FRMD3: variants seen among roughly 807,000 people sequenced by gnomAD.
FRMD3 encodes FERM domain-containing protein 3.
Under a neutral mutation model 70.2 loss-of-function variants are expected in FRMD3, and 33 were observed. That is an observed-to-expected ratio of 0.47 (90% CI 0.36 to 0.63). The LOEUF (loss-of-function observed/expected upper bound fraction) is 0.63. FRMD3 is among the 20% of genes least tolerant of loss of function. FRMD3 has a pLI of 0.00. For missense variants in FRMD3, 632 were observed against 711.4 expected (o/e 0.89, Z 1.27); for synonymous variants, 279 against 255.9 (o/e 1.09, Z -0.86).
At chr9:83,574,485 G>A in the FRMD3 span, among the ~76,000 whole-genome samples, 1 of 152,124 alleles carries the variant, frequency 6.6e-6, no homozygotes, top group African/African-American at 2.4e-5. Context: ...AGTACTCCAT[G>A]ACACAAATCT....
At chr9:83,558,443 C>T in the FRMD3 span, among the ~76,000 whole-genome samples, 1 of 152,140 alleles carries the variant, frequency 6.6e-6, no homozygotes, top group Non-Finnish European at 1.5e-5. Context: ...AGTATGCTGA[C>T]ATCTGTATGT....
chr9:83,540,336 A>C (rs1364735415), upstream of FRMD3, among the ~76,000 whole-genome samples: 1 of 152,230 alleles, frequency 6.6e-6, no homozygotes, highest in East Asian at 1.9e-4. Flanking sequence ...GCTCCAAAAG[A>C]GTCATATCAA....
At chr9:83,435,079 T>C (rs1254524763) in intron 1 of FRMD3, among the ~76,000 whole-genome samples, 1 of 152,116 alleles carries the variant, frequency 6.6e-6, no homozygotes, top group Non-Finnish European at 1.5e-5. Flanking sequence ...TCCACCTGCC[T>C]CAGCCTCCCA....
At chr9:83,343,134 A>G (rs1823830690) in intron 5 of FRMD3, 56 bp downstream of exon 5, 2 of 1,271,280 alleles carry the variant, frequency 1.6e-6, no homozygotes, top group East Asian at 4.6e-5. Context: ...GGAGGCTTGA[A>G]ACAGCCAGAG....
chr9:83,321,310 C>T (rs1211066417), intron 6 of FRMD3, among the ~76,000 whole-genome samples: 4 of 152,016 alleles, frequency 2.6e-5, no homozygotes, highest in Non-Finnish European at 5.9e-5. Flanking sequence ...TTGATGTAGG[C>T]GTTTAATGCT....
At chr9:83,497,957 G>A (rs969031753) in intron 1 of FRMD3, among the ~76,000 whole-genome samples, 59 of 152,318 alleles carry the variant, frequency 3.9e-4, no homozygotes, top group African/African-American at 1.3e-3. Flanking sequence ...AGACCAGCCT[G>A]GTCAACATGG....
chr9:83,520,792 C>T (rs910578953), intron 1 of FRMD3, among the ~76,000 whole-genome samples: 1 of 152,040 alleles, frequency 6.6e-6, no homozygotes, highest in Non-Finnish European at 1.5e-5. Context: ...TCTAGCTGGG[C>T]TCATGACTAC....
intron 6 of FRMD3, among the ~76,000 whole-genome samples, chr9:83,331,511 G>A (rs1836268683): frequency 6.6e-6 from 1 of 152,170 alleles, no homozygotes; most frequent in Non-Finnish European, 1.5e-5. Flanking sequence ...TATTGGTATT[G>A]CAATGGAATG....
chr9:83,514,129 G>A (rs1829400600), intron 1 of FRMD3, among the ~76,000 whole-genome samples: 1 of 152,132 alleles, frequency 6.6e-6, no homozygotes, highest in Non-Finnish European at 1.5e-5. Flanking sequence ...CACTCCCCTG[G>A]AAAGGGGGCT....
the FRMD3 span, among the ~76,000 whole-genome samples, chr9:83,570,998 C>A: frequency 1.3e-5 from 2 of 152,234 alleles, no homozygotes; most frequent in African/African-American, 2.4e-5. Flanking sequence ...TGCACAAACT[C>A]ATGCTGAAAT....
chr9:83,516,447 T>A (rs1050779395), intron 1 of FRMD3, among the ~76,000 whole-genome samples: 2 of 152,140 alleles, frequency 1.3e-5, no homozygotes, highest in Non-Finnish European at 2.9e-5. Context: ...ATGCATCCAA[T>A]ACAGGAGCAC....
chr9:83,392,194 G>A (rs1446349310), intron 1 of FRMD3, among the ~76,000 whole-genome samples: 2 of 152,028 alleles, frequency 1.3e-5, no homozygotes, highest in African/African-American at 2.4e-5. Flanking sequence ...GACATCAATA[G>A]CCCTTTGCAG....
At chr9:83,548,378 G>A in the FRMD3 span, among the ~76,000 whole-genome samples, 1 of 152,060 alleles carries the variant, frequency 6.6e-6, no homozygotes, top group Admixed American at 6.6e-5. Flanking sequence ...CATACAATGG[G>A]ATAATACTCG....
chr9:83,340,941 CAT>C (rs1260686141), intron 5 of FRMD3, among the ~76,000 whole-genome samples: 1 of 152,212 alleles, frequency 6.6e-6, no homozygotes, highest in African/African-American at 2.4e-5. Context: ...AAGCTTAAAA[CAT>C]ACTCCTTGAA....
intron 1 of FRMD3, among the ~76,000 whole-genome samples, chr9:83,500,503 C>CAT (rs1491565270): frequency 3.2e-5 from 3 of 93,008 alleles, no homozygotes; most frequent in Non-Finnish European, 6.2e-5. Flanking sequence ...TGTATGCGCG[C>CAT]ACACACACAC....
chr9:83,269,425 C>A (rs1057038525), intron 13 of FRMD3, among the ~76,000 whole-genome samples: 1 of 152,186 alleles, frequency 6.6e-6, no homozygotes, highest in Non-Finnish European at 1.5e-5. Flanking sequence ...GTTTCAAATG[C>A]CTCCTTCCTA....
intron 1 of FRMD3, among the ~76,000 whole-genome samples, chr9:83,525,889 C>T (rs780898486): frequency 1.3e-5 from 2 of 152,140 alleles, no homozygotes; most frequent in African/African-American, 2.4e-5. Context: ...CCTGCCCCAA[C>T]CAGAAATACA....
At chr9:83,548,122 G>A in the FRMD3 span, among the ~76,000 whole-genome samples, 1 of 152,184 alleles carries the variant, frequency 6.6e-6, no homozygotes, top group African/African-American at 2.4e-5. Context: ...ATCACTGGTG[G>A]AAATGTAAAA....
At chr9:83,579,720 T>C in the FRMD3 span, among the ~76,000 whole-genome samples, 113 of 152,202 alleles carry the variant, frequency 7.4e-4, 1 homozygote, top group Non-Finnish European at 1.1e-3. Flanking sequence ...AACATTAGCC[T>C]GGGCGCAATG....
Sources: gnomAD v4.1 joint callset for allele counts (sites outside exome capture counted in the v4.1 genomes callset) on GRCh38, gnomAD v4.1.1 for gene constraint, MANE v1.5 for transcripts, NCBI Gene and HGNC (gene_info 2026-07-23, HGNC 2026-07-21) for gene names.